Variants in UBE2E3 observed in about 807,000 individuals in gnomAD.
UBE2E3 encodes the protein ubiquitin conjugating enzyme E2 E3.
Under a neutral mutation model 23.6 loss-of-function variants are expected in UBE2E3, and 5 were observed. That is an observed-to-expected ratio of 0.21 (90% CI 0.11 to 0.44). UBE2E3 has a LOEUF of 0.44. UBE2E3 is among the 20% of genes least tolerant of loss of function. UBE2E3 has a pLI of 0.99. For synonymous variants in UBE2E3, 78 were observed against 87.5 expected (o/e 0.89, Z 0.60); for missense variants, 81 against 249.8 (o/e 0.32, Z 4.55).
rs868801321 is a variant in UBE2E3 at position 181,034,279 on chromosome 2, A to T, written c.246-23414A>T. 2.0e-5 allele frequency among the ~76,000 whole-genome samples: 3 copies of T among 152,344 alleles called. No homozygotes were observed. The East Asian group carries it at 5.8e-4, about 29-fold the overall frequency. ...GTAGCAAAGACTTGGAACCAACCCAAATGTCCATCAATGATAGACTGGATT... is the reference window on the plus strand; with the variant it reads ...GTAGCAAAGACTTGGAACCAACCCATATGTCCATCAATGATAGACTGGATT... On this transcript the variant is annotated intron_variant, in intron 3 of 5. Transcript: ENST00000410062.
chr2:181,004,887 A>G (rs1039676703), intron 3 of UBE2E3, among the ~76,000 whole-genome samples: 1 of 152,210 alleles, frequency 6.6e-6, no homozygotes. Context: ...TTGTATGATA[A>G]ATCTTCAGAC....
intron 3 of UBE2E3, among the ~76,000 whole-genome samples, chr2:181,038,419 G>A (rs1686368287): frequency 1.3e-5 from 2 of 152,132 alleles, no homozygotes; most frequent in South Asian, 2.1e-4. Context: ...ACATTTCTGA[G>A]GTCATATTCT....
At chr2:181,021,562 T>TCCTTCCTTCCTTCCTCCCTCCCTCCCTC (rs1559124271) in intron 3 of UBE2E3, among the ~76,000 whole-genome samples, 1 of 35,370 alleles carries the variant, frequency 2.8e-5, no homozygotes, top group Non-Finnish European at 5.7e-5. Flanking sequence ...CTCCCTTCCT[T>TCCTTCCTTCCTTCCTCCCTCCCTCCCTC]CCTTCCTTCC....
Position 181,016,745 on chromosome 2 carries a change from G to A in UBE2E3, c.245+32652G>A, listed in dbSNP as rs139997868. 1.5e-4 allele frequency among the ~76,000 whole-genome samples: 23 copies of A among 152,286 alleles called. No individual in the cohort carries two copies. In the East Asian group the frequency reaches 4.0e-3, roughly 27 times the overall value. On this transcript the variant is annotated intron_variant, in intron 3 of 5. Coordinates refer to ENST00000410062, the MANE Select transcript of UBE2E3 (RefSeq NM_006357.4). Reference sequence around the variant, plus strand: ...TTACTAGAAATTTTTCTTTAAATGTGTATTCATATATTTTACTTAAATATA... The same window carrying A: ...TTACTAGAAATTTTTCTTTAAATGTATATTCATATATTTTACTTAAATATA...
chr2:180,988,882 C>T (rs891320884), intron 3 of UBE2E3, among the ~76,000 whole-genome samples: 1 of 151,828 alleles, frequency 6.6e-6, no homozygotes, highest in African/African-American at 2.4e-5. Flanking sequence ...CATTAGTTAT[C>T]TAGTCCTTTT....
At chr2:181,054,256 T>C (rs1686926389) in intron 3 of UBE2E3, among the ~76,000 whole-genome samples, 1 of 151,892 alleles carries the variant, frequency 6.6e-6, no homozygotes. Flanking sequence ...TGTTTATGTT[T>C]GTAACAAGAT....
At chr2:181,056,596 A>G (rs375366660) in intron 3 of UBE2E3, among the ~76,000 whole-genome samples, 1 of 151,734 alleles carries the variant, frequency 6.6e-6, no homozygotes, top group Admixed American at 6.6e-5. Context: ...GAGGGCATTA[A>G]TTTATTCATG....
At chr2:180,997,745 C>G (rs1684869676) in intron 3 of UBE2E3, among the ~76,000 whole-genome samples, 1 of 151,966 alleles carries the variant, frequency 6.6e-6, no homozygotes, top group African/African-American at 2.4e-5. Flanking sequence ...TTCCTATTAC[C>G]TGAGTAAAAG....
chr2:181,035,295 T>G (rs1686232811), intron 3 of UBE2E3, among the ~76,000 whole-genome samples: 1 of 152,284 alleles, frequency 6.6e-6, no homozygotes, highest in East Asian at 1.9e-4. Flanking sequence ...TGAACTATTC[T>G]TTCAAGGGTT....
At chr2:181,021,092 G>A (rs976146283) in intron 3 of UBE2E3, among the ~76,000 whole-genome samples, 3 of 152,172 alleles carry the variant, frequency 2.0e-5, no homozygotes, top group Non-Finnish European at 2.9e-5. Context: ...AGGGAAAGGT[G>A]GTTTACAGAA....
chr2:181,021,074 A>G (rs1282245695), intron 3 of UBE2E3, among the ~76,000 whole-genome samples: 3 of 152,230 alleles, frequency 2.0e-5, no homozygotes, highest in Non-Finnish European at 2.9e-5. Context: ...AAAAGTAGTA[A>G]TTATTTCAGG....
intron 4 of UBE2E3, among the ~76,000 whole-genome samples, chr2:181,058,150 A>G (rs1248631675): frequency 6.6e-6 from 1 of 151,788 alleles, no homozygotes. Flanking sequence ...TTAATTAACT[A>G]TTAAGGTATT....
chr2:180,988,404 T>C (rs1174912222), intron 3 of UBE2E3, among the ~76,000 whole-genome samples: 1 of 152,160 alleles, frequency 6.6e-6, no homozygotes, highest in Non-Finnish European at 1.5e-5. Flanking sequence ...ACTTCAGGCA[T>C]AGATGAACAA....
chr2:180,996,773 TATA>T (rs999282081), intron 3 of UBE2E3, among the ~76,000 whole-genome samples: 10 of 152,332 alleles, frequency 6.6e-5, no homozygotes, highest in African/African-American at 2.4e-4. Context: ...TTGAGTAATA[TATA>T]ATAATTTGTA....
chr2:181,062,186 C>A (rs1355193496), intron 5 of UBE2E3, among the ~76,000 whole-genome samples: 1 of 151,266 alleles, frequency 6.6e-6, no homozygotes, highest in Non-Finnish European at 1.5e-5. Context: ...TTTTTTTTTA[C>A]TGGCTATGGT....
intron 3 of UBE2E3, among the ~76,000 whole-genome samples, chr2:181,031,542 A>G (rs1686077409): frequency 6.6e-6 from 1 of 151,878 alleles, no homozygotes. Context: ...GTCTTTTAAG[A>G]GTTTGGTTTG....
intron 3 of UBE2E3, among the ~76,000 whole-genome samples, chr2:181,025,747 A>G (rs1302091394): frequency 1.3e-5 from 2 of 151,972 alleles, no homozygotes; most frequent in Non-Finnish European, 2.9e-5. Context: ...CATTTCAGTG[A>G]CAATTTGTTA....
chr2:181,026,695 A>G lies in UBE2E3; in HGVS notation c.246-30998A>G, dbSNP rs186863094. On this transcript the variant is annotated intron_variant, in intron 3 of 5. Coordinates refer to ENST00000410062, the MANE Select transcript of UBE2E3 (RefSeq NM_006357.4). Reference sequence around the variant, plus strand: ...CGTGTATGAGATTTGTTCCGCCATTACTTCAGGTAGATTTCATTACCTCGA... The same window carrying G: ...CGTGTATGAGATTTGTTCCGCCATTGCTTCAGGTAGATTTCATTACCTCGA... Among the ~76,000 whole-genome samples, 289 of 151,912 alleles carry G rather than the reference A, an allele frequency of 1.9e-3. 1 individual carries two copies. The highest frequency in any genetic ancestry group is 6.6e-3 in the African/African-American group (275 of 41,502).
chr2:181,021,590 TCCTCCCTCCC>T (rs1685689591), intron 3 of UBE2E3, among the ~76,000 whole-genome samples: 1 of 52,454 alleles, frequency 1.9e-5, no homozygotes, highest in African/African-American at 7.6e-5. Flanking sequence ...CTCCCTTCCT[TCCTCCCTCCC>T]TTCCTTCCTT....
Sources: allele counts gnomAD v4.1 joint callset (sites outside exome capture counted in the v4.1 genomes callset), GRCh38; gene constraint gnomAD v4.1.1; transcripts MANE v1.5; gene names NCBI Gene and HGNC (gene_info 2026-07-23, HGNC 2026-07-21).